SMC3: variants seen among roughly 807,000 people sequenced by gnomAD.
SMC3 encodes structural maintenance of chromosomes 3.
SMC3 carries 20 observed loss-of-function variants against 171.8 expected under a neutral mutation model. The observed-to-expected ratio is 0.12, with a 90% CI of 0.08 to 0.17. The LOEUF (loss-of-function observed/expected upper bound fraction) is 0.17. Among genes scored for constraint, SMC3 ranks in the 10% least tolerant of loss-of-function variants. SMC3 has a pLI of 1.00. For synonymous variants in SMC3, 464 were observed against 451.1 expected, an observed-to-expected ratio of 1.03 and a Z score of -0.36; for missense variants, 543 against 1,420.4, an observed-to-expected ratio of 0.38 and a Z score of 9.93.
At chr10:110,596,269 C>A in intron 18 of SMC3, 129 bp from the exon 19 acceptor site, 12 of 704,460 alleles carry the variant, frequency 1.7e-5, no homozygotes, top group South Asian at 5.8e-5. Context: ...AAAATTTTTT[C>A]AGGGTGGTTT....
rs79899012 is a variant in SMC3 at position 110,582,286 on chromosome 10, A to G, written c.723+188A>G. ...AGCCATGTGGTCCTTGCTATATAGT[A>G]TTATCTGAAATATAATCAGATGGTG... On this transcript the variant is annotated intron_variant, in intron 9 of 28. Coordinates refer to ENST00000361804, the MANE Select transcript of SMC3 (RefSeq NM_005445.4). Among the ~76,000 whole-genome samples, 4,911 of 152,264 alleles carry G rather than the reference A, an allele frequency of 0.032. 240 individuals carry two copies. The highest frequency in any genetic ancestry group is 0.11 in the African/African-American group (4,563 of 41,526).
chr10:110,586,921 T>C (rs984007577), intron 13 of SMC3, among the ~76,000 whole-genome samples: 3 of 152,180 alleles, frequency 2.0e-5, no homozygotes, highest in East Asian at 1.9e-4. Flanking sequence ...CCTCCCAAAG[T>C]GCTGGGATTA....
At chr10:110,572,013 T>C (rs1860880134) in intron 2 of SMC3, among the ~76,000 whole-genome samples, 2 of 152,230 alleles carry the variant, frequency 1.3e-5, no homozygotes, top group East Asian at 3.8e-4. Flanking sequence ...AAATATTTAT[T>C]CATTTAATGA....
chr10:110,604,094 C>CAAAAAAAAAAAAAAAAAAA, intron 28 of SMC3, 137 bp from the exon 29 acceptor site: 1 of 225,288 alleles, frequency 4.4e-6, no homozygotes, highest in Admixed American at 7.4e-5. Flanking sequence ...GACTCCATCT[C>CAAAAAAAAAAAAAAAAAAA]AAAAAAAAAA....
intron 13 of SMC3, among the ~76,000 whole-genome samples, chr10:110,588,944 A>G (rs971867865): frequency 1.3e-5 from 2 of 151,884 alleles, no homozygotes; most frequent in Non-Finnish European, 2.9e-5. Context: ...AGAACTTAGA[A>G]TTTTTTTTCT....
At chr10:110,583,694 G>T in intron 11 of SMC3, 146 bp downstream of exon 11, 1 of 1,169,864 alleles carries the variant, frequency 8.5e-7, no homozygotes, top group Non-Finnish European at 1.2e-6. Context: ...TAACAACTTG[G>T]TACTGTCCCT....
chr10:110,602,503 G>C lies in SMC3; in HGVS notation c.3135G>C (p.Gln1045His). The C allele has an allele frequency of 1.2e-6, 2 of 1,613,384 alleles. No individual in the cohort carries two copies. Among genetic ancestry groups the C allele is most frequent in the Non-Finnish European group, 1.7e-6 (2 of 1,179,682 alleles). ...QVSKNFSEVF[Q>H]KLVPGGKATL... ...CTAAGAACTTCAGTGAAGTATTCCAGAAGTTAGTACCTGGTGGCAAAGCTA... is the reference window on the plus strand; with the variant it reads ...CTAAGAACTTCAGTGAAGTATTCCACAAGTTAGTACCTGGTGGCAAAGCTA... The change falls in exon 26 of 29, where the codon CAG (glutamine) becomes CAC (histidine). Residue 1045 changes from glutamine to histidine, a missense_variant. Gln to His is a conservative substitution (Grantham distance 24). Around this residue, in one of 8 missense-constraint regions of SMC3, gnomAD observed 34 missense variants for 59.1 expected, o/e 0.58. Transcript: ENST00000361804.
chr10:110,596,376 A>C (rs757977325), intron 18 of SMC3, 22 bp from the exon 19 acceptor site: 1 of 1,610,092 alleles, frequency 6.2e-7, no homozygotes, highest in Non-Finnish European at 8.5e-7. Flanking sequence ...GTACAGACCT[A>C]TTACATATGT....
Position 110,583,843 on chromosome 10 carries a change from A to G in SMC3, c.972A>G (p.Lys324=). 3 of 1,613,050 alleles carry G rather than the reference A, an allele frequency of 1.9e-6. No homozygotes were observed. The highest frequency in any genetic ancestry group is 2.5e-6 in the Non-Finnish European group (3 of 1,179,724). Residue 324 remains lysine (K), a splice_region_variant and synonymous_variant, in exon 12 of 29, where the codon AAA becomes AAG. Coordinates refer to ENST00000361804, the MANE Select transcript of SMC3 (RefSeq NM_005445.4). ...TTGCATTTTTACTTTGTTTACAGAA[A>G]CGTTTATTAAAAGAGAGGCAGAAGC... ...DELAGNSEQR[K]RLLKERQKLL...
intron 22 of SMC3, 148 bp downstream of exon 22, chr10:110,600,694 A>T: frequency 1.5e-6 from 1 of 666,878 alleles, no homozygotes. Context: ...GAATTCTGCC[A>T]CCTAGTGTGT....
At position 110,591,028 on chromosome 10, in the gene SMC3, A is replaced by G. The variant is rs1861197650; in HGVS notation, c.1708A>G (p.Thr570Ala). 6.2e-7 allele frequency: 1 copy of G among 1,613,170 alleles called. No individual in the cohort carries two copies. Among genetic ancestry groups the G allele is most frequent in the Non-Finnish European group, 8.5e-7 (1 of 1,179,292 alleles). ...YHIVDSDEVS[T>A]KILMEFNKMN... is the part of the protein sequence containing the mutation. ...CATTGTTGATTCAGATGAAGTCAGC[A>G]CGAAGATTTTAATGGAGTTTAATAA... is the stretch of plus-strand genomic sequence containing the variant. The change falls in exon 17 of 29, where the codon ACG (threonine) becomes GCG (alanine). Residue 570 changes from threonine (T) to alanine (A), a missense_variant. By Grantham distance (58) the Thr-to-Ala change is moderately conservative. Transcript: ENST00000361804.
Position 110,580,173 on chromosome 10 carries a change from TTA to T in SMC3, c.430-727_430-726del, listed in dbSNP as rs541840916. ...AAGTATATGGAAGGATGTGCATAGG[TTA>T]TATGCAAATACTATGCCATTTTATA... On this transcript the variant is annotated intron_variant, in intron 7 of 28. Transcript: ENST00000361804. Among the ~76,000 whole-genome samples the T allele has an allele frequency of 5.1e-3, 781 of 152,304 alleles. 4 individuals are homozygous for T. The highest frequency in any genetic ancestry group is 0.011 in the Admixed American group (161 of 15,298).
At chr10:110,603,578 A>G (rs1310217741) in intron 28 of SMC3, among the ~76,000 whole-genome samples, 1 of 152,208 alleles carries the variant, frequency 6.6e-6, no homozygotes, top group African/African-American at 2.4e-5. Flanking sequence ...TCATTTGTAT[A>G]GACTGCATAG....
rs771478239 is a variant in SMC3, at chr10:110,583,845, G to A, written c.974G>A (p.Arg325His). ...GCATTTTTACTTTGTTTACAGAAACGTTTATTAAAAGAGAGGCAGAAGCTG... is the reference window on the plus strand; with the variant it reads ...GCATTTTTACTTTGTTTACAGAAACATTTATTAAAAGAGAGGCAGAAGCTG... ...ELAGNSEQRK[R>H]LLKERQKLLE... The change falls in exon 12 of 29, where the codon CGT (arginine) becomes CAT (histidine). Residue 325 changes from arginine to histidine, a missense_variant. Around this residue, in one of 8 missense-constraint regions of SMC3, gnomAD observed 146 missense variants for 437.9 expected, o/e 0.33. Coordinates refer to ENST00000361804, the MANE Select transcript of SMC3 (RefSeq NM_005445.4). 5.6e-6 allele frequency: 9 copies of A among 1,607,126 alleles called. No homozygotes were observed. The highest frequency in any genetic ancestry group is 7.7e-6 in the Non-Finnish European group (9 of 1,175,898).
chr10:110,573,864 G>T, intron 3 of SMC3, 119 bp downstream of exon 3: 2 of 751,776 alleles, frequency 2.7e-6, no homozygotes, highest in East Asian at 2.6e-5. Context: ...ACTTTATATG[G>T]GGTTGCAGCT....
At chr10:110,603,111 T>TA in intron 27 of SMC3, 73 bp from the exon 28 acceptor site, 1 of 1,518,878 alleles carries the variant, frequency 6.6e-7, no homozygotes, top group Non-Finnish European at 9.1e-7. Context: ...TTAGTAAGAG[T>TA]AAAGATAGTT....
At chr10:110,582,229 TAGTC>T (rs1348869614) in intron 9 of SMC3, 131 bp downstream of exon 9, 6 of 843,532 alleles carry the variant, frequency 7.1e-6, no homozygotes, top group Non-Finnish European at 1.1e-5. Context: ...ATGAATTTAT[TAGTC>T]AGCAAGTTTT....
At chr10:110,588,457 CAA>C (rs1646046415) in intron 13 of SMC3, among the ~76,000 whole-genome samples, 1 of 152,136 alleles carries the variant, frequency 6.6e-6, no homozygotes, top group Non-Finnish European at 1.5e-5. Context: ...TGATATCTGA[CAA>C]TAATTAGTTA....
chr10:110,576,708 ATTCTT>A (rs71488205), intron 4 of SMC3, among the ~76,000 whole-genome samples: 5,972 of 152,218 alleles, frequency 0.039, 159 homozygotes, highest in Non-Finnish European at 0.059. Context: ...CTTTAGAAAA[ATTCTT>A]TTTAGGTTTT....
Sources: allele counts gnomAD v4.1 joint callset (sites outside exome capture counted in the v4.1 genomes callset), GRCh38; gene constraint gnomAD v4.1.1; regional missense constraint gnomAD v4.1.1; transcripts MANE v1.5; gene names NCBI Gene and HGNC (gene_info 2026-07-23, HGNC 2026-07-21).